DECR2: variants seen among roughly 807,000 people sequenced by gnomAD.
DECR2 encodes the protein 2,4-dienoyl-CoA reductase 2.
DECR2 carries 34 observed loss-of-function variants against 29.2 expected under a neutral mutation model. The ratio of observed to expected loss-of-function variants is 1.16; its 90% confidence interval spans 0.89 to 1.55. The LOEUF (loss-of-function observed/expected upper bound fraction) is 1.55, where lower values mean the gene tolerates loss of function less well. Ranked by LOEUF, DECR2 falls within the 40% of genes most tolerant of loss-of-function variation. The pLI is 0.00. For missense variants in DECR2, 485 were observed against 425.3 expected (o/e 1.14, Z -1.23); for synonymous variants, 224 against 182.7 (o/e 1.23, Z -1.82).
intron 4 of DECR2, among the ~76,000 whole-genome samples, chr16:407,787 T>G (rs2054745837): frequency 7.0e-4 from 1 of 1,434 alleles, no homozygotes; most frequent in South Asian, 0.017. Flanking sequence ...TCCGGGCCTC[T>G]GTCTCCGGGC....
rs750448296 is a variant in DECR2, at chr16:411,476, C to G, written c.777C>G (p.Tyr259Ter). Reference protein sequence around the residue: ...VLYLASPLASYVTGAVLVADG... With the variant: ...VLYLASPLAS ...ACCTGGCCAGCCCTCTGGCTTCCTA[C>G]GTGACGGGGGCCGTGCTGGTGGCCG... The change falls in exon 8 of 9, where the codon TAC becomes TAG. Residue 259 changes from tyrosine (Y) to a stop codon, truncating the protein, a stop_gained. Transcript: ENST00000219481. LOFTEE classifies it high-confidence loss of function. 1 of 1,613,966 alleles carries G rather than the reference C, an allele frequency of 6.2e-7. No homozygotes were observed. Among genetic ancestry groups the G allele is most frequent in the Non-Finnish European group, 8.5e-7 (1 of 1,180,014 alleles).
At chr16:408,359 C>T (rs1262105649) in intron 4 of DECR2, among the ~76,000 whole-genome samples, 8 of 151,288 alleles carry the variant, frequency 5.3e-5, no homozygotes, top group African/African-American at 7.3e-5. Flanking sequence ...CTTTGTGTCC[C>T]GCCTTCTGTC....
At position 407,319 on chromosome 16, in the gene DECR2, C is replaced by T. The variant is rs893993817; in HGVS notation, c.202-106C>T. The T allele has an allele frequency of 7.4e-6, 11 of 1,483,646 alleles. No homozygotes were observed. In the East Asian group the frequency reaches 9.2e-5, roughly 12 times the overall value. The allele number at this position is 1,483,646 out of a possible 1,614,324, so 91.9% of individuals were successfully genotyped here. On this transcript the variant is annotated intron_variant, in intron 3 of 8. Coordinates refer to ENST00000219481, the MANE Select transcript of DECR2 (RefSeq NM_020664.4). The stretch of plus-strand genomic sequence containing the variant: ...CCAGAGTGGGGTCCAGCAGCAAACC[C>T]AGGGTCCCCGAGGAACCCGGAAGCA...
chr16:410,275 G>A lies in DECR2; in HGVS notation c.370G>A (p.Ala124Thr), dbSNP rs759870779. 1.4e-5 allele frequency: 23 copies of A among 1,613,482 alleles called. No homozygotes were observed. Among genetic ancestry groups the A allele is most frequent in the East Asian group, 6.7e-5 (3 of 44,886 alleles). The change falls in exon 5 of 9, where the codon GCC (alanine) becomes ACC (threonine). Residue 124 changes from alanine (A) to threonine (T), a missense_variant. Coordinates refer to ENST00000219481, the MANE Select transcript of DECR2 (RefSeq NM_020664.4). The surrounding 1 kb of genome is among the most constrained non-coding windows in gnomAD (Gnocchi z 4.1). Reference protein sequence around the residue: ...AAGNFLCPAGALSFNAFKTVM... With the variant: ...AAGNFLCPAGTLSFNAFKTVM... The stretch of plus-strand genomic sequence containing the variant: ...CGGGAACTTCCTGTGCCCCGCTGGC[G>A]CCTTGTCCTTCAACGCCTTCAAGAC...
chr16:403,667 C>G (rs1315345368), intron 1 of DECR2, among the ~76,000 whole-genome samples: 1 of 152,176 alleles, frequency 6.6e-6, no homozygotes, highest in Non-Finnish European at 1.5e-5. Context: ...TGTGTCAGCA[C>G]AAGTTCAGGA....
At chr16:409,590 ACACTGGTTT>A (rs1277354473) in intron 4 of DECR2, 1 of 152,228 alleles carries the variant, frequency 6.6e-6, no homozygotes, top group African/African-American at 2.4e-5. Context: ...TGATGAACCA[ACACTGGTTT>A]CACTCTGCAG....
chr16:405,853 T>C (rs2054717875), intron 2 of DECR2, among the ~76,000 whole-genome samples: 1 of 152,182 alleles, frequency 6.6e-6, no homozygotes, highest in Non-Finnish European at 1.5e-5. Context: ...GCAGGACTTC[T>C]TTGTGCTCTT....
chr16:405,222 C>G (rs1024037508), intron 2 of DECR2, 198 bp downstream of exon 2: 1 of 652,334 alleles, frequency 1.5e-6, no homozygotes, highest in Non-Finnish European at 2.6e-6. Flanking sequence ...AAGGCCCCTA[C>G]AGGTCAGTGG....
chr16:408,912 C>T (rs926879982), intron 4 of DECR2, among the ~76,000 whole-genome samples: 4 of 150,900 alleles, frequency 2.7e-5, no homozygotes, highest in Admixed American at 6.6e-5. Flanking sequence ...GCTTACAGCA[C>T]CCTCCGCCTC....
rs559085035 is a variant in DECR2 at position 406,187 on chromosome 16, G to C, written c.150-159G>C. On this transcript the variant is annotated intron_variant, in intron 2 of 8. Coordinates refer to ENST00000219481, the MANE Select transcript of DECR2 (RefSeq NM_020664.4). ...GTGGGCACCACCTGAGGTCCCTCCA[G>C]AGTACCTCAGTCCTGTTCACGCCCC... Among the ~76,000 whole-genome samples the C allele has an allele frequency of 6.6e-4, 100 of 152,240 alleles. 2 individuals carry two copies. The highest frequency in any genetic ancestry group is 6.0e-3 in the South Asian group (29 of 4,826).
intron 2 of DECR2, chr16:405,671 T>A: frequency 8.2e-7 from 1 of 1,217,226 alleles, no homozygotes. Flanking sequence ...GTCAGGTGAT[T>A]TTACCAGGGA....
Position 405,002 on chromosome 16 carries a change from C to G in DECR2, c.127C>G (p.Arg43Gly). 6.2e-7 allele frequency: 1 copy of G among 1,614,090 alleles called. No individual in the cohort carries two copies. The stretch of plus-strand genomic sequence containing the variant: ...AGGAGGCGGCTCTGGGATTGGGTTC[C>G]GGATTGCTGAGATTTTCATGCGGTG... The part of the protein sequence containing the change: ...ITGGGSGIGF[R>G]IAEIFMRHGC... Residue 43 changes from arginine (R) to glycine (G), a missense_variant, in exon 2 of 9, where the codon CGG (arginine) becomes GGG (glycine). Transcript: ENST00000219481.
chr16:404,296 T>C (rs1407220299), intron 1 of DECR2, among the ~76,000 whole-genome samples: 7 of 151,984 alleles, frequency 4.6e-5, no homozygotes, highest in Non-Finnish European at 8.8e-5. Flanking sequence ...TGGAGTGCAA[T>C]GGCGCAATTT....
At position 410,456 on chromosome 16, in the gene DECR2, C is replaced by T. The variant is rs569596237; in HGVS notation, c.462+89C>T. 1.1e-5 allele frequency: 17 copies of T among 1,564,788 alleles called. No individual in the cohort carries two copies. Among genetic ancestry groups the T allele is most frequent in the African/African-American group, 5.9e-5 (4 of 67,938 alleles). ...AGTTCTTCCGGGTGGGTGCCTTGTG[C>T]GCTCTGTGAGAAGTTCTTCCGGGTG... On this transcript the variant is annotated intron_variant, in intron 5 of 8. Coordinates refer to ENST00000219481, the MANE Select transcript of DECR2 (RefSeq NM_020664.4). The surrounding 1 kb of genome is among the most constrained non-coding windows in gnomAD (Gnocchi z 4.1).
At chr16:402,145 T>A in intron 1 of DECR2, 102 bp downstream of exon 1, 1 of 893,160 alleles carries the variant, frequency 1.1e-6, no homozygotes, top group Non-Finnish European at 1.5e-6. Context: ...TTAGGAAACC[T>A]GTCTTGCCTG....
chr16:402,179 CTTT>C (rs541347056), intron 1 of DECR2, 136 bp downstream of exon 1: 92 of 545,276 alleles, frequency 1.7e-4, no homozygotes, highest in Middle Eastern at 5.7e-4. Context: ...TTTTTTCTTT[CTTT>C]TTTTTTTTTT....
chr16:409,210 C>T (rs974269511), intron 4 of DECR2, among the ~76,000 whole-genome samples: 6 of 149,342 alleles, frequency 4.0e-5, no homozygotes, highest in South Asian at 2.1e-4. Flanking sequence ...CTTGCTGTGT[C>T]GCCCAGGCTG....
In DECR2 at chr16:407,449, A is replaced by T; in HGVS notation, c.226A>T (p.Thr76Ser). 1.9e-6 allele frequency: 3 copies of T among 1,610,592 alleles called. No individual in the cohort carries two copies. The highest frequency in any genetic ancestry group is 2.5e-6 in the Non-Finnish European group (3 of 1,178,974). Residue 76 changes from threonine to serine, a missense_variant, in exon 4 of 9, where the codon ACC becomes TCC. Coordinates refer to ENST00000219481, the MANE Select transcript of DECR2 (RefSeq NM_020664.4). ...LTAARKLAGA[T>S]GRRCLPLSMD... is the part of the protein sequence containing the mutation. ...GGCCGCCAGGAAGCTGGCTGGGGCC[A>T]CCGGCCGGCGCTGCCTCCCTCTCTC...
intron 1 of DECR2, among the ~76,000 whole-genome samples, chr16:403,481 A>G (rs2054691230): frequency 6.6e-6 from 1 of 152,218 alleles, no homozygotes; most frequent in Non-Finnish European, 1.5e-5. Flanking sequence ...ATCCCGACGT[A>G]GCTTGCTGAA....
Sources: allele counts gnomAD v4.1 joint callset (sites outside exome capture counted in the v4.1 genomes callset), GRCh38; gene constraint gnomAD v4.1.1; non-coding constraint Gnocchi (gnomAD v3.1); transcripts MANE v1.5; gene names NCBI Gene and HGNC (gene_info 2026-07-23, HGNC 2026-07-21).